Variants in TBCD observed in about 807,000 individuals in gnomAD.
TBCD encodes the protein tubulin folding cofactor D.
Under a neutral mutation model 169.3 loss-of-function variants are expected in TBCD, and 105 were observed. The ratio of observed to expected loss-of-function variants is 0.62; its 90% CI spans 0.53 to 0.73. TBCD has a LOEUF of 0.73. TBCD is among the 30% of genes least tolerant of loss of function. TBCD has a pLI of 0.00. For missense variants in TBCD, 1,444 were observed against 1,600.1 expected (o/e 0.90, Z 1.66); for synonymous variants, 700 against 643.9 (o/e 1.09, Z -1.32).
intron 19 of TBCD, among the ~76,000 whole-genome samples, chr17:82,905,007 C>T (rs549779707): frequency 6.6e-6 from 1 of 152,214 alleles, no homozygotes; most frequent in Non-Finnish European, 1.5e-5. Context: ...CAAACCATCG[C>T]AAGCCTGGCA....
chr17:82,797,730 A>G (rs947450915), intron 7 of TBCD, 27 bp from the exon 8 acceptor site: 2 of 1,423,412 alleles, frequency 1.4e-6, no homozygotes, highest in Non-Finnish European at 1.9e-6. Flanking sequence ...TATTTGTAAC[A>G]TTAAAAATCT....
chr17:82,808,547 GTGGCAGGTC>G (rs2051173300), intron 11 of TBCD, among the ~76,000 whole-genome samples: 1 of 123,790 alleles, frequency 8.1e-6, no homozygotes, highest in African/African-American at 3.1e-5. Context: ...AGGTGGAGGG[GTGGCAGGTC>G]CTGGGGGGCG....
intron 13 of TBCD, among the ~76,000 whole-genome samples, chr17:82,844,409 C>T (rs2054826862): frequency 6.6e-6 from 1 of 152,112 alleles, no homozygotes; most frequent in South Asian, 2.1e-4. Context: ...CTCTGCTGAG[C>T]ACCTCGGAGA....
At chr17:82,907,057 T>C (rs978114208) in intron 20 of TBCD, among the ~76,000 whole-genome samples, 1 of 152,226 alleles carries the variant, frequency 6.6e-6, no homozygotes, top group Non-Finnish European at 1.5e-5. Flanking sequence ...GTGCCCAGGC[T>C]AGACTGGGGT....
intron 6 of TBCD, among the ~76,000 whole-genome samples, chr17:82,775,514 C>A (rs1185445206): frequency 6.6e-6 from 1 of 152,066 alleles, no homozygotes; most frequent in Non-Finnish European, 1.5e-5. Context: ...TTTCTGCTCT[C>A]CAGGGAGGAG....
intron 19 of TBCD, among the ~76,000 whole-genome samples, chr17:82,904,896 G>A (rs1334770394): frequency 6.6e-6 from 1 of 152,192 alleles, no homozygotes; most frequent in Non-Finnish European, 1.5e-5. Flanking sequence ...CCCGGTTGAA[G>A]AGCACGGACA....
chr17:82,869,554 T>C (rs1433835243), intron 13 of TBCD, among the ~76,000 whole-genome samples: 1 of 152,206 alleles, frequency 6.6e-6, no homozygotes, highest in Non-Finnish European at 1.5e-5. Flanking sequence ...CACACTTGTG[T>C]GATGTCAGAT....
chr17:82,822,776 A>C (rs2052516809), intron 13 of TBCD, among the ~76,000 whole-genome samples: 1 of 152,228 alleles, frequency 6.6e-6, no homozygotes, highest in Non-Finnish European at 1.5e-5. Flanking sequence ...TGTTCTATTC[A>C]GTGAAAGAGA....
chr17:82,940,217 G>GCACACACACACACA (rs576338657), intron 37 of TBCD, among the ~76,000 whole-genome samples: 18 of 101,450 alleles, frequency 1.8e-4, no homozygotes, highest in African/African-American at 4.1e-4. Flanking sequence ...TCACTTGCAC[G>GCACACACACACACA]CGCGCACACA....
intron 13 of TBCD, among the ~76,000 whole-genome samples, chr17:82,855,235 C>CTTTTTTTTTTTTT (rs58346723): frequency 3.7e-5 from 2 of 54,032 alleles, no homozygotes; most frequent in African/African-American, 1.3e-4. Flanking sequence ...AAGGTGTTTG[C>CTTTTTTTTTTTTT]TTTTTTTTTT....
intron 13 of TBCD, chr17:82,860,339 C>T: frequency 1.0e-6 from 1 of 982,044 alleles, no homozygotes. Context: ...CTCTGGTGGC[C>T]TTTCGCAGTG....
At chr17:82,927,431 C>T (rs887922919) in intron 29 of TBCD, 108 bp downstream of exon 29, 2 of 1,426,238 alleles carry the variant, frequency 1.4e-6, no homozygotes, top group Non-Finnish European at 1.9e-6. Flanking sequence ...TAGATTTGTG[C>T]CGTGTTTTGC....
intron 13 of TBCD, among the ~76,000 whole-genome samples, chr17:82,852,459 T>G (rs2055878326): frequency 6.6e-6 from 1 of 152,104 alleles, no homozygotes; most frequent in Non-Finnish European, 1.5e-5. Flanking sequence ...AAGGTCGAGG[T>G]GCCAGCAGGC....
chr17:82,909,876 T>G lies in TBCD; in HGVS notation c.2006+569T>G, dbSNP rs546137023. ...CCCTGAGGGTTTCCCTCTGTGCCTT[T>G]GCAGCCCAGGCAGCCTGTCTGCTCT... On this transcript the variant is annotated intron_variant, in intron 22 of 38. Coordinates refer to ENST00000355528, the MANE Select transcript of TBCD (RefSeq NM_005993.5). Among the ~76,000 whole-genome samples the G allele has an allele frequency of 4.7e-4, 72 of 152,250 alleles. 1 individual carries two copies. Among genetic ancestry groups the G allele is most frequent in the Non-Finnish European group, 5.7e-4 (39 of 68,046 alleles).
chr17:82,851,245 C>G (rs980842458), intron 13 of TBCD, among the ~76,000 whole-genome samples: 16 of 64,038 alleles, frequency 2.5e-4, no homozygotes, highest in African/African-American at 8.5e-4. Flanking sequence ...TCACATGAGT[C>G]AAGTCTCAGG....
Position 82,884,345 on chromosome 17 carries a change from C to A in TBCD, c.1533+143C>A. ...AGGGAGCTGCTGAGAGTGCCAGCTG[C>A]GGGCAGGCCACTGGTTCTTACTGTC... On this transcript the variant is annotated intron_variant, in intron 15 of 38. Transcript: ENST00000355528. The surrounding 1 kb of genome is among the most constrained non-coding windows in gnomAD (Gnocchi z 4.2). The A allele has an allele frequency of 2.6e-6, 2 of 762,962 alleles. No homozygotes were observed. Among genetic ancestry groups the A allele is most frequent in the Non-Finnish European group, 4.4e-6 (2 of 450,784 alleles). The allele number at this position is 762,962 out of a possible 1,614,324, so 47.3% of individuals were successfully genotyped here.
chr17:82,823,446 G>A (rs558542403), intron 13 of TBCD, among the ~76,000 whole-genome samples: 1 of 152,218 alleles, frequency 6.6e-6, no homozygotes, highest in Non-Finnish European at 1.5e-5. Flanking sequence ...GACTTTGTAC[G>A]TGGACCGATT....
intron 8 of TBCD, among the ~76,000 whole-genome samples, 155 bp from the exon 9 acceptor site, chr17:82,800,709 C>G (rs1048168950): frequency 6.6e-6 from 1 of 152,124 alleles, no homozygotes; most frequent in African/African-American, 2.4e-5. Context: ...TCAACTCCAG[C>G]AGCTCTTGGT....
intron 16 of TBCD, among the ~76,000 whole-genome samples, 187 bp from the exon 17 acceptor site, chr17:82,893,360 C>G (rs542805945): frequency 1.1e-4 from 17 of 152,272 alleles, no homozygotes; most frequent in African/African-American, 4.1e-4. Context: ...CTGGGTAGAC[C>G]GTCAGGAAGT....
Sources: allele counts gnomAD v4.1 joint callset (sites outside exome capture counted in the v4.1 genomes callset), GRCh38; gene constraint gnomAD v4.1.1; non-coding constraint Gnocchi (gnomAD v3.1); transcripts MANE v1.5; gene names NCBI Gene and HGNC (gene_info 2026-07-23, HGNC 2026-07-21).